The following TFAP2B variants were observed in gnomAD, a reference collection of about 807,000 sequenced individuals.
TFAP2B encodes transcription factor AP-2-beta.
Under a neutral mutation model 44.3 loss-of-function variants are expected in TFAP2B, and 9 were observed. The observed-to-expected ratio is 0.20, with a 90% CI of 0.12 to 0.35. TFAP2B has a LOEUF of 0.35. TFAP2B is among the 10% of genes least tolerant of loss of function. TFAP2B has a pLI of 1.00. For missense variants in TFAP2B, 509 were observed against 600.0 expected (o/e 0.85, Z 1.59); for synonymous variants, 270 against 263.8 (o/e 1.02, Z -0.23).
intron 3 of TFAP2B, among the ~76,000 whole-genome samples, chr6:50,831,592 C>A (rs1271438038): frequency 6.6e-6 from 1 of 152,060 alleles, no homozygotes; most frequent in Non-Finnish European, 1.5e-5. Flanking sequence ...GGTACATTAA[C>A]AGTCTAAAAA....
chr6:50,826,470 C>T (rs535720968), intron 2 of TFAP2B, among the ~76,000 whole-genome samples: 3 of 152,154 alleles, frequency 2.0e-5, no homozygotes, highest in South Asian at 2.1e-4. Context: ...ACTATAAAAC[C>T]CTGTCAATTT....
At chr6:50,840,012 C>T in intron 5 of TFAP2B, 144 bp from the exon 6 acceptor site, 1 of 1,087,308 alleles carries the variant, frequency 9.2e-7, no homozygotes, top group Non-Finnish European at 1.4e-6. Context: ...AATCATTTTT[C>T]CTTTAGGCAT....
chr6:50,834,043 A>G (rs534757053), intron 3 of TFAP2B, among the ~76,000 whole-genome samples: 19 of 152,228 alleles, frequency 1.2e-4, no homozygotes, highest in African/African-American at 4.3e-4. Context: ...CATAATGCCA[A>G]CTCCCATGAT....
In TFAP2B at chr6:50,836,221, G is replaced by A. The variant is rs1762619426; in HGVS notation, c.762G>A (p.Gln254=). The A allele has an allele frequency of 1.2e-6, 2 of 1,613,282 alleles. No individual in the cohort carries two copies. Among genetic ancestry groups the A allele is most frequent in the Non-Finnish European group, 1.7e-6 (2 of 1,180,046 alleles). ...SKYKVTVGEV[Q]RRLSPPECLN... is the part of the protein sequence containing the mutation. ...ACAAAGTAACTGTGGGAGAAGTTCA[G>A]AGACGGCTGTCGCCCCCTGAATGCC... Residue 254 remains glutamine (Q), a synonymous_variant, in exon 4 of 7, where the codon CAG becomes CAA. Transcript: ENST00000393655.
intron 3 of TFAP2B, among the ~76,000 whole-genome samples, chr6:50,833,444 T>C (rs1762555792): frequency 6.6e-6 from 1 of 152,068 alleles, no homozygotes; most frequent in South Asian, 2.1e-4. Context: ...GGGAACACAA[T>C]TGTGATACTT....
chr6:50,825,235 G>C (rs2113932410), intron 2 of TFAP2B, among the ~76,000 whole-genome samples: 2 of 152,126 alleles, frequency 1.3e-5, no homozygotes, highest in South Asian at 4.2e-4. Context: ...GAGCTTGACT[G>C]TTCCTGGCTA....
chr6:50,829,143 T>C (rs1770606609), intron 3 of TFAP2B, among the ~76,000 whole-genome samples: 1 of 152,236 alleles, frequency 6.6e-6, no homozygotes, highest in African/African-American at 2.4e-5. Flanking sequence ...GTTTTATGAG[T>C]TGTTTTTATT....
chr6:50,841,905 C>T lies in TFAP2B; in HGVS notation c.1083-1187C>T, dbSNP rs539318212. ...CTTAAAACCAGCAACAGTTTAGCTT[C>T]TGTGACTGGGTGGTATTCCTCATCA... is the stretch of plus-strand genomic sequence containing the variant. On this transcript the variant is annotated intron_variant, in intron 6 of 6. Coordinates refer to ENST00000393655, the MANE Select transcript of TFAP2B (RefSeq NM_003221.4). Among the ~76,000 whole-genome samples the T allele has an allele frequency of 6.6e-5, 10 of 152,342 alleles. No individual in the cohort carries two copies. In the South Asian group the frequency reaches 1.2e-3, roughly 19 times the overall value.
chr6:50,830,493 A>C (rs1232257987), intron 3 of TFAP2B, among the ~76,000 whole-genome samples: 1 of 152,240 alleles, frequency 6.6e-6, no homozygotes, highest in East Asian at 1.9e-4. Context: ...TTGGAAACAG[A>C]AGAGTACATT....
rs747834806 is a variant in TFAP2B at position 50,843,396 on chromosome 6, A to T, written c.*4A>T. The T allele has an allele frequency of 6.2e-6, 10 of 1,611,920 alleles. No homozygotes were observed. The African/African-American group carries it at 9.4e-5, about 15-fold the overall frequency. ...GGAGGAGAAACACAGGAAATGAAAA[A>T]TTTTTAAAAAAAGAAGGAAAAATGT... On this transcript the variant is annotated 3_prime_UTR_variant, in exon 7 of 7. Transcript: ENST00000393655.
rs1212582567 is a variant in TFAP2B at position 50,823,459 on chromosome 6, C to T, written c.134C>T (p.Ser45Leu). 4.3e-6 allele frequency: 7 copies of T among 1,610,584 alleles called. No individual in the cohort carries two copies. Among genetic ancestry groups the T allele is most frequent in the Admixed American group, 3.4e-5 (2 of 59,682 alleles). ...AGCTCGCGGCTCTCCCAGCTGGGCT[C>T]GGTGTCCCAAGGACCCTACTCGAGC... ...SHSSRLSQLG[S>L]VSQGPYSSAP... is the part of the protein sequence containing the mutation. Residue 45 changes from serine to leucine, a missense_variant, in exon 2 of 7, where the codon TCG (serine) becomes TTG (leucine). Ser to Leu is a moderately radical substitution (Grantham distance 145). Coordinates refer to ENST00000393655, the MANE Select transcript of TFAP2B (RefSeq NM_003221.4).
intron 3 of TFAP2B, among the ~76,000 whole-genome samples, chr6:50,833,616 G>A (rs1467099713): frequency 2.6e-5 from 4 of 152,210 alleles, no homozygotes; most frequent in African/African-American, 9.6e-5. Context: ...AGGTGATAAT[G>A]TATATGCAGA....
In TFAP2B at chr6:50,847,510, T is replaced by A. The variant is rs1209075537; in HGVS notation, c.*4118T>A. On this transcript the variant is annotated 3_prime_UTR_variant, in exon 7 of 7. Transcript: ENST00000393655. Reference sequence around the variant, plus strand: ...GACCCTAGATAGAATCCTATCTGAATTTTTCTGTTCTTTATAAACAAGCTG... The same window carrying A: ...GACCCTAGATAGAATCCTATCTGAAATTTTCTGTTCTTTATAAACAAGCTG... 6.5e-6 allele frequency: 1 copy of A among 152,674 alleles called. No homozygotes were observed. The highest frequency in any genetic ancestry group is 1.5e-5 in the Non-Finnish European group (1 of 68,042). 9.5% of individuals were successfully genotyped at this position (152,674 alleles called of 1,614,324 possible). A position where few individuals can be genotyped will look rare whatever the true frequency, so the allele number is the denominator to read the frequency against.
rs562078613 is a variant in TFAP2B, at chr6:50,831,483, T to C, written c.601+2804T>C. Among the ~76,000 whole-genome samples, 8 of 152,240 alleles carry C rather than the reference T, an allele frequency of 5.3e-5. No individual in the cohort carries two copies. The South Asian group carries it at 1.0e-3, about 20-fold the overall frequency. ...GGGCGGGGGGAGTAATGAAAGGTGC[T>C]TTTTAAACTCTCCTAATCTAAACCG... is the stretch of plus-strand genomic sequence containing the variant. On this transcript the variant is annotated intron_variant, in intron 3 of 6. Transcript: ENST00000393655.
At chr6:50,834,417 G>A (rs1017481743) in intron 3 of TFAP2B, among the ~76,000 whole-genome samples, 2 of 152,180 alleles carry the variant, frequency 1.3e-5, no homozygotes, top group Admixed American at 1.3e-4. Context: ...ATCCTAAAAT[G>A]CCTACTGGGT....
intron 3 of TFAP2B, among the ~76,000 whole-genome samples, chr6:50,829,573 A>G (rs2857501): frequency 0.13 from 20,138 of 152,216 alleles, 1,442 homozygotes; most frequent in African/African-American, 0.18. Flanking sequence ...TGACGATACA[A>G]TTTTAATACT....
At chr6:50,838,211 G>GCACAA in intron 5 of TFAP2B, 118 bp downstream of exon 5, 1 of 930,256 alleles carries the variant, frequency 1.1e-6, no homozygotes, top group South Asian at 1.3e-5. Context: ...GCTCTTATGA[G>GCACAA]CTGGATGTCA....
At chr6:50,823,925 AG>A (rs1481893567) in intron 2 of TFAP2B, 60 bp downstream of exon 2, 9 of 1,516,080 alleles carry the variant, frequency 5.9e-6, no homozygotes, top group South Asian at 3.6e-5. Flanking sequence ...ATGCTTCTGG[AG>A]GGGGGGAGGT....
Position 50,845,545 on chromosome 6 carries a change from CA to C in TFAP2B, c.*2155del, listed in dbSNP as rs1762828489. On this transcript the variant is annotated 3_prime_UTR_variant, in exon 7 of 7. Coordinates refer to ENST00000393655, the MANE Select transcript of TFAP2B (RefSeq NM_003221.4). ...GAACTGTTGAGAGGAATGCAATGGC[CA>C]AGAGCTAGACGTTACGGAGAGTGTA... 1 of 152,664 alleles carries C rather than the reference CA, an allele frequency of 6.6e-6. No individual in the cohort carries two copies. Among genetic ancestry groups the C allele is most frequent in the South Asian group, 2.1e-4 (1 of 4,836 alleles). 9.5% of individuals were successfully genotyped at this position (152,664 alleles called of 1,614,324 possible). A position where few individuals can be genotyped will look rare whatever the true frequency, so the allele number is the denominator to read the frequency against.
Sources: allele counts gnomAD v4.1 joint callset (sites outside exome capture counted in the v4.1 genomes callset), GRCh38; gene constraint gnomAD v4.1.1; transcripts MANE v1.5; gene names NCBI Gene and HGNC (gene_info 2026-07-23, HGNC 2026-07-21).